The following PRSS27 variants were observed in gnomAD, a reference collection of about 807,000 sequenced individuals.
PRSS27 encodes the protein serine protease 27.
A neutral mutation model predicts 32.0 loss-of-function variants in PRSS27; 25 were observed. The observed-to-expected ratio is 0.78, with a 90% CI of 0.57 to 1.09. The LOEUF (loss-of-function observed/expected upper bound fraction) is 1.09. Ranked by LOEUF, PRSS27 falls within the 50% of genes least tolerant of loss-of-function variation. The pLI is 0.00. For synonymous variants in PRSS27, 178 were observed against 172.2 expected, an observed-to-expected ratio of 1.03 and a Z score of -0.26; for missense variants, 401 against 394.9, an observed-to-expected ratio of 1.02 and a Z score of -0.13.
At chr16:2,718,043 C>G (rs2067712982) in intron 1 of PRSS27, 1 of 152,254 alleles carries the variant, frequency 6.6e-6, no homozygotes, top group African/African-American at 2.4e-5. Context: ...CCCTGGCCCC[C>G]CGACCCCTTG....
In PRSS27 at chr16:2,720,116, A is replaced by G. The variant is rs754333367; in HGVS notation, c.45T>C (p.Phe15=). The change falls in exon 1 of 6, where the codon TTT becomes TTC. Residue 15 remains phenylalanine (F), a splice_region_variant and synonymous_variant. Transcript: ENST00000302641. ...AAVPLLLLLC[F]GSQRAKAATA... ...GGACCCTGCACCTTCACGACTCACC[A>G]AAACACAGCAGCAGCAGGAGCGGCA... The G allele has an allele frequency of 8.7e-6, 14 of 1,603,148 alleles. No individual in the cohort carries two copies. Among genetic ancestry groups the G allele is most frequent in the African/African-American group, 4.0e-5 (3 of 74,792 alleles).
At chr16:2,719,638 A>G (rs554291292) in intron 1 of PRSS27, among the ~76,000 whole-genome samples, 4 of 152,130 alleles carry the variant, frequency 2.6e-5, no homozygotes, top group African/African-American at 9.6e-5. Context: ...CTCTCTACTG[A>G]GCCTGCAGCC....
rs756526643 is a variant in PRSS27 at position 2,716,497 on chromosome 16, T to C, written c.73+3A>G. ...CTCCCACCCCAGGGCCCTGGGTGCT[T>C]ACCTGTTGCTGCCTTGGCCCTCTGA... On this transcript the variant is annotated splice_donor_region_variant and intron_variant, in intron 2 of 5. Coordinates refer to ENST00000302641, the MANE Select transcript of PRSS27 (RefSeq NM_031948.5). The C allele has an allele frequency of 1.9e-6, 3 of 1,604,680 alleles. No homozygotes were observed. The highest frequency in any genetic ancestry group is 2.5e-6 in the Non-Finnish European group (3 of 1,177,478).
rs1469953401 is a variant in PRSS27 at position 2,712,823 on chromosome 16, G to T, written c.679-9C>A. 1.2e-5 allele frequency: 19 copies of T among 1,533,870 alleles called. No homozygotes were observed. Among genetic ancestry groups the T allele is most frequent in the East Asian group, 2.4e-5 (1 of 42,428 alleles). On this transcript the variant is annotated splice_polypyrimidine_tract_variant and intron_variant, in intron 5 of 5. Coordinates refer to ENST00000302641, the MANE Select transcript of PRSS27 (RefSeq NM_031948.5). The surrounding 1 kb of genome is among the most constrained non-coding windows in gnomAD (Gnocchi z 4.6). ...GGGCCGCCCGAGTCGCCCTGCGGGG[G>T]ACGCAGAGTCACCGTCAGAGCCCAC...
In PRSS27 at chr16:2,715,973, C is replaced by T. The variant is rs7196192; in HGVS notation, c.74-93G>A. ...CAGCCTCACACTCCAGTCCTCGGCC[C>T]TCCTGCCCCTGACCTGCCCGAAGAC... On this transcript the variant is annotated intron_variant, in intron 2 of 5. Coordinates refer to ENST00000302641, the MANE Select transcript of PRSS27 (RefSeq NM_031948.5). 1.0e-4 allele frequency: 121 copies of T among 1,158,472 alleles called. 1 individual carries two copies. The South Asian group carries it at 1.5e-3, about 15-fold the overall frequency. 71.8% of individuals were successfully genotyped at this position (1,158,472 alleles called of 1,614,324 possible).
At position 2,713,319 on chromosome 16, in the gene PRSS27, C is replaced by T. The variant is rs927435456; in HGVS notation, c.678+210G>A. The T allele has an allele frequency of 3.5e-5, 21 of 600,010 alleles. No homozygotes were observed. In the Admixed American group the frequency reaches 4.0e-4, roughly 11 times the overall value. 37.2% of individuals were successfully genotyped at this position (600,010 alleles called of 1,614,324 possible). A position where few individuals can be genotyped will look rare whatever the true frequency, so the allele number is the denominator to read the frequency against. On this transcript the variant is annotated intron_variant, in intron 5 of 5. Coordinates refer to ENST00000302641, the MANE Select transcript of PRSS27 (RefSeq NM_031948.5). Reference sequence around the variant, plus strand: ...TTCACTGTGTTAGCCAGGATGGTCTCCATCTCCTGACCTTGTGATCCACCC... The same window carrying T: ...TTCACTGTGTTAGCCAGGATGGTCTTCATCTCCTGACCTTGTGATCCACCC...
At position 2,717,120 on chromosome 16, in the gene PRSS27, T is replaced by C. The variant is rs143303502; in HGVS notation, c.47-594A>G. 597 of 153,484 alleles carry C rather than the reference T, an allele frequency of 3.9e-3. 4 individuals carry two copies. Among genetic ancestry groups the C allele is most frequent in the African/African-American group, 0.014 (570 of 41,562 alleles). The allele number at this position is 153,484 out of a possible 1,614,324, so 9.5% of individuals were successfully genotyped here. A position where few individuals can be genotyped will look rare whatever the true frequency, so the allele number is the denominator to read the frequency against. On this transcript the variant is annotated intron_variant, in intron 1 of 5. Transcript: ENST00000302641. The surrounding 1 kb of genome is among the most constrained non-coding windows in gnomAD (Gnocchi z 4.1). ...AGTAGAGAAGGTACAGTGGTCTGCA[T>C]TGGCCACCAGGGATCAGCCTTCTCA...
chr16:2,712,432 G>T lies in PRSS27; in HGVS notation c.*188C>A. ...CCCCACGTGGGCAGCTGGCACACAG[G>T]CTGGGTTTTTATTGGGAGAAACATA... On this transcript the variant is annotated 3_prime_UTR_variant, in exon 6 of 6. Coordinates refer to ENST00000302641, the MANE Select transcript of PRSS27 (RefSeq NM_031948.5). The surrounding 1 kb of genome is among the most constrained non-coding windows in gnomAD (Gnocchi z 4.6). 1 of 585,586 alleles carries T rather than the reference G, an allele frequency of 1.7e-6. No individual in the cohort carries two copies. The highest frequency in any genetic ancestry group is 3.2e-5 in the East Asian group (1 of 31,242). The allele number at this position is 585,586 out of a possible 1,614,324, so 36.3% of individuals were successfully genotyped here.
rs760424971 is a variant in PRSS27, at chr16:2,715,814, G to A, written c.140C>T (p.Pro47Leu). 6 of 1,605,860 alleles carry A rather than the reference G, an allele frequency of 3.7e-6. 1 individual carries two copies. In the South Asian group the frequency reaches 4.4e-5, roughly 12 times the overall value. Reference protein sequence around the residue: ...GGQDTQEGEWPWQVSIQRNGS... With the variant: ...GGQDTQEGEWLWQVSIQRNGS... ...GTTGCGCTGGATGCTGACTTGCCAG[G>A]GCCACTCGCCCTCCTGCGTGTCCTG... Residue 47 changes from proline to leucine, a missense_variant, in exon 3 of 6, where the codon CCC becomes CTC. Transcript: ENST00000302641.
intron 3 of PRSS27, 162 bp downstream of exon 3, chr16:2,715,556 G>A: frequency 1.8e-6 from 1 of 547,110 alleles, no homozygotes; most frequent in Non-Finnish European, 3.1e-6. Context: ...TAGCCCTGGA[G>A]TTGGACCTAA....
intron 1 of PRSS27, 158 bp from the exon 2 acceptor site, chr16:2,716,684 T>TC (rs796782334): frequency 1.4e-5 from 10 of 698,502 alleles, no homozygotes; most frequent in African/African-American, 7.1e-5. Context: ...GCCTGCAGTT[T>TC]CCCCCCCAGG....
rs1283938917 is a variant in PRSS27 at position 2,713,338 on chromosome 16, T to C, written c.678+191A>G. On this transcript the variant is annotated intron_variant, in intron 5 of 5. Coordinates refer to ENST00000302641, the MANE Select transcript of PRSS27 (RefSeq NM_031948.5). ...TGGTCTCCATCTCCTGACCTTGTGA[T>C]CCACCCTCCTTGGCCTCCCAAAGTG... 2.2e-5 allele frequency: 14 copies of C among 640,530 alleles called. No individual in the cohort carries two copies. The East Asian group carries it at 4.1e-4, about 19-fold the overall frequency. The allele number at this position is 640,530 out of a possible 1,614,324, so 39.7% of individuals were successfully genotyped here. A position where few individuals can be genotyped will look rare whatever the true frequency, so the allele number is the denominator to read the frequency against.
At chr16:2,715,604 C>T (rs2067696045) in intron 3 of PRSS27, 114 bp downstream of exon 3, 2 of 795,020 alleles carry the variant, frequency 2.5e-6, no homozygotes, top group African/African-American at 1.8e-5. Flanking sequence ...ACCAGGAGCC[C>T]CCAGGGAGGT....
Position 2,714,095 on chromosome 16 carries a change from C to A in PRSS27, c.478G>T (p.Val160Phe), listed in dbSNP as rs1567199581. 1.9e-6 allele frequency: 3 copies of A among 1,612,916 alleles called. No homozygotes were observed. The highest frequency in any genetic ancestry group is 1.7e-6 in the Non-Finnish European group (2 of 1,179,306). Residue 160 changes from valine to phenylalanine, a missense_variant, in exon 4 of 6, where the codon GTC (valine) becomes TTC (phenylalanine). Coordinates refer to ENST00000302641, the MANE Select transcript of PRSS27 (RefSeq NM_031948.5). The surrounding 1 kb of genome is among the most constrained non-coding windows in gnomAD (Gnocchi z 4.7). ...VIFETGMNCW[V>F]TGWGSPSEED... is the part of the protein sequence containing the mutation. ...TCACTGGGGCTGCCCCAGCCAGTGA[C>A]CCAGCAGTTCATGCCCGTCTCAAAG...
intron 4 of PRSS27, among the ~76,000 whole-genome samples, 180 bp downstream of exon 4, chr16:2,713,885 C>T (rs1359342874): frequency 6.6e-6 from 1 of 152,190 alleles, no homozygotes; most frequent in Non-Finnish European, 1.5e-5. Flanking sequence ...TCCCCCTCTC[C>T]CTTCACCCCC....
At position 2,717,748 on chromosome 16, in the gene PRSS27, C is replaced by T. The variant is rs1411396332; in HGVS notation, c.47-1222G>A. On this transcript the variant is annotated intron_variant, in intron 1 of 5. Coordinates refer to ENST00000302641, the MANE Select transcript of PRSS27 (RefSeq NM_031948.5). This position sits in a 1 kb window ranked among gnomAD's most constrained non-coding sequence, Gnocchi z 4.1. ...GCACCCCCAGGGTTTTTACGGCATC[C>T]TCTTCCTTTCTGTCTGCCTCACAGT... The T allele has an allele frequency of 2.0e-5, 3 of 152,252 alleles. No homozygotes were observed. Among genetic ancestry groups the T allele is most frequent in the Non-Finnish European group, 4.4e-5 (3 of 68,072 alleles). The allele number at this position is 152,252 out of a possible 1,614,324, so 9.4% of individuals were successfully genotyped here.
chr16:2,713,224 A>G (rs989283320), intron 5 of PRSS27: 168 of 457,312 alleles, frequency 3.7e-4, no homozygotes, highest in Non-Finnish European at 2.3e-4. Context: ...TCAGCCTCCC[A>G]AGTAGCTGGG....
chr16:2,713,989 G>GACCA (rs2067683431), intron 4 of PRSS27, 76 bp downstream of exon 4: 4 of 1,451,340 alleles, frequency 2.8e-6, no homozygotes, highest in Non-Finnish European at 3.8e-6. Flanking sequence ...AAGATTGTGG[G>GACCA]TTCAGAGTGG....
chr16:2,714,465 C>A lies in PRSS27; in HGVS notation c.237-129G>T. ...TCTGCACAATGTCTTCGAGAGTCATCTCTAGGACAGCCAGGTGCAGCGGTG... is the reference window on the plus strand; with the variant it reads ...TCTGCACAATGTCTTCGAGAGTCATATCTAGGACAGCCAGGTGCAGCGGTG... On this transcript the variant is annotated intron_variant, in intron 3 of 5. Coordinates refer to ENST00000302641, the MANE Select transcript of PRSS27 (RefSeq NM_031948.5). The surrounding 1 kb of genome is among the most constrained non-coding windows in gnomAD (Gnocchi z 4.7). 1 of 1,071,540 alleles carries A rather than the reference C, an allele frequency of 9.3e-7. No individual in the cohort carries two copies. Among genetic ancestry groups the A allele is most frequent in the African/African-American group, 1.6e-5 (1 of 63,920 alleles). 66.4% of individuals were successfully genotyped at this position (1,071,540 alleles called of 1,614,324 possible).
Sources: allele counts gnomAD v4.1 joint callset (sites outside exome capture counted in the v4.1 genomes callset), GRCh38; gene constraint gnomAD v4.1.1; non-coding constraint Gnocchi (gnomAD v3.1); transcripts MANE v1.5; gene names NCBI Gene and HGNC (gene_info 2026-07-23, HGNC 2026-07-21).